MRPL48: variants seen among roughly 807,000 people sequenced by gnomAD.
The protein encoded by MRPL48 is large ribosomal subunit protein mL48.
MRPL48 carries 16 observed loss-of-function variants against 32.9 expected under a neutral mutation model. The ratio of observed to expected loss-of-function variants is 0.49; its 90% confidence interval spans 0.33 to 0.74. The LOEUF (loss-of-function observed/expected upper bound fraction) is 0.74, where lower values mean the gene tolerates loss of function less well. MRPL48 is among the 30% of genes least tolerant of loss of function. The pLI is 0.02. For missense variants in MRPL48, 206 were observed against 245.3 expected, an observed-to-expected ratio of 0.84 and a Z score of 1.07; for synonymous variants, 94 against 89.2, an observed-to-expected ratio of 1.05 and a Z score of -0.31.
intron 7 of MRPL48, 84 bp from the exon 8 acceptor site, chr11:73,864,212 A>C: frequency 8.4e-6 from 10 of 1,185,868 alleles, no homozygotes; most frequent in Non-Finnish European, 9.7e-6. Flanking sequence ...AGCTGGTTCA[A>C]GGGCCCTTTT....
chr11:73,792,338 C>T (rs1947166822), intron 1 of MRPL48, among the ~76,000 whole-genome samples: 1 of 152,160 alleles, frequency 6.6e-6, no homozygotes, highest in Non-Finnish European at 1.5e-5. Flanking sequence ...ATGCCACTCA[C>T]TCTGAGATAA....
intron 4 of MRPL48, among the ~76,000 whole-genome samples, chr11:73,826,243 C>T (rs1404089368): frequency 6.6e-6 from 1 of 151,652 alleles, no homozygotes; most frequent in Non-Finnish European, 1.5e-5. Context: ...TGGTCTCAAG[C>T]TCCTGGCCTC....
chr11:73,798,380 C>T (rs547781846), intron 1 of MRPL48, among the ~76,000 whole-genome samples: 1 of 152,236 alleles, frequency 6.6e-6, no homozygotes, highest in East Asian at 1.9e-4. Flanking sequence ...ACATGTGAGC[C>T]ACCTCGCCCG....
At chr11:73,861,322 C>T (rs1948580903) in intron 6 of MRPL48, among the ~76,000 whole-genome samples, 1 of 152,092 alleles carries the variant, frequency 6.6e-6, no homozygotes, top group Non-Finnish European at 1.5e-5. Context: ...TTCCTCTTCA[C>T]AGCCCATTTA....
At chr11:73,804,937 G>T in intron 1 of MRPL48, 90 bp from the exon 2 acceptor site, 1 of 1,226,156 alleles carries the variant, frequency 8.2e-7, no homozygotes, top group Non-Finnish European at 1.2e-6. Context: ...TTTCTGGTTT[G>T]TGTACTGTGG....
At chr11:73,817,773 G>C (rs1034664179) in intron 3 of MRPL48, 1 of 359,042 alleles carries the variant, frequency 2.8e-6, no homozygotes. Flanking sequence ...ATTTTTTATA[G>C]GTTCTTTCAG....
At chr11:73,790,448 G>A (rs1307192063) in intron 1 of MRPL48, among the ~76,000 whole-genome samples, 4 of 121,210 alleles carry the variant, frequency 3.3e-5, no homozygotes, top group African/African-American at 9.7e-5. Flanking sequence ...GCAGTGGCCC[G>A]ACCTCAGCTC....
At chr11:73,853,511 TA>T (rs1948434929) in intron 5 of MRPL48, among the ~76,000 whole-genome samples, 1 of 152,060 alleles carries the variant, frequency 6.6e-6, no homozygotes, top group Non-Finnish European at 1.5e-5. Context: ...CTCATCTATA[TA>T]ATGAGGATGA....
At chr11:73,862,266 T>C (rs576345186) in intron 6 of MRPL48, among the ~76,000 whole-genome samples, 1 of 152,114 alleles carries the variant, frequency 6.6e-6, no homozygotes, top group South Asian at 2.1e-4. Flanking sequence ...CTACTAAAAA[T>C]ACAAAATTAG....
chr11:73,850,041 A>C (rs1486625000), intron 5 of MRPL48, among the ~76,000 whole-genome samples: 1 of 152,142 alleles, frequency 6.6e-6, no homozygotes, highest in African/African-American at 2.4e-5. Flanking sequence ...CAGAGGTTGC[A>C]GTGAACTGAG....
At chr11:73,862,485 G>A (rs1392131208) in intron 6 of MRPL48, among the ~76,000 whole-genome samples, 3 of 152,172 alleles carry the variant, frequency 2.0e-5, no homozygotes, top group Non-Finnish European at 4.4e-5. Flanking sequence ...TGTTATCTCA[G>A]CTGCTTGGGA....
In MRPL48 at chr11:73,864,478, T is replaced by C. The variant is rs1162333337; in HGVS notation, c.*108T>C. ...AGACCCAACCCTTAGATTTCATAAG[T>C]ACCCATTCCCATAGCCAGTAATGTC... On this transcript the variant is annotated 3_prime_UTR_variant, in exon 8 of 8. Transcript: ENST00000310614. The C allele has an allele frequency of 5.4e-6, 6 of 1,108,472 alleles. No individual in the cohort carries two copies. In the Admixed American group the frequency reaches 1.2e-4, roughly 23 times the overall value. The allele number at this position is 1,108,472 out of a possible 1,614,324, so 68.7% of individuals were successfully genotyped here.
At chr11:73,830,189 T>C (rs539191944) in intron 4 of MRPL48, among the ~76,000 whole-genome samples, 3 of 152,336 alleles carry the variant, frequency 2.0e-5, no homozygotes, top group Admixed American at 1.3e-4. Flanking sequence ...ACAGTAAATA[T>C]TGATTAAGCT....
chr11:73,834,592 G>A (rs570993876), intron 4 of MRPL48, among the ~76,000 whole-genome samples: 9 of 150,482 alleles, frequency 6.0e-5, no homozygotes, highest in East Asian at 2.0e-4. Context: ...GGAGTGCAGC[G>A]GCGCGATCTC....
chr11:73,815,714 T>C (rs1947653040), intron 3 of MRPL48, among the ~76,000 whole-genome samples: 2 of 151,958 alleles, frequency 1.3e-5, no homozygotes, highest in Admixed American at 1.3e-4. Context: ...AAATAGAGAC[T>C]AGGCCTTCTG....
intron 1 of MRPL48, among the ~76,000 whole-genome samples, chr11:73,803,410 C>T (rs1947392272): frequency 6.6e-6 from 1 of 151,890 alleles, no homozygotes; most frequent in Non-Finnish European, 1.5e-5. Flanking sequence ...GGATTACAGG[C>T]GTGAGCCCCC....
intron 1 of MRPL48, 109 bp downstream of exon 1, chr11:73,788,101 G>A (rs1947076149): frequency 2.1e-6 from 3 of 1,450,464 alleles, no homozygotes; most frequent in Non-Finnish European, 2.8e-6. Flanking sequence ...GACATCCGGG[G>A]ATGAGACACT....
At chr11:73,863,932 G>C (rs1948626627) in intron 7 of MRPL48, among the ~76,000 whole-genome samples, 1 of 152,116 alleles carries the variant, frequency 6.6e-6, no homozygotes, top group Non-Finnish European at 1.5e-5. Context: ...GCATGTGCTG[G>C]TCATGCTGCC....
chr11:73,827,118 C>T (rs1190829748), intron 4 of MRPL48, among the ~76,000 whole-genome samples: 1 of 151,390 alleles, frequency 6.6e-6, no homozygotes, highest in Non-Finnish European at 1.5e-5. Context: ...GGTGTGGTGG[C>T]TTACACCTGT....
Sources: allele counts gnomAD v4.1 joint callset (sites outside exome capture counted in the v4.1 genomes callset), GRCh38; gene constraint gnomAD v4.1.1; transcripts MANE v1.5; gene names NCBI Gene and HGNC (gene_info 2026-07-23, HGNC 2026-07-21).